The following COL22A1 variants were observed in gnomAD, a reference collection of about 807,000 sequenced individuals.
COL22A1 encodes the protein collagen alpha-1(XXII) chain.
COL22A1 carries 221 observed loss-of-function variants against 248.9 expected under a neutral mutation model. The observed-to-expected ratio is 0.89, with a 90% CI of 0.80 to 0.99. The LOEUF is 0.99. Ranked by LOEUF, COL22A1 falls within the 50% of genes least tolerant of loss-of-function variation. COL22A1 has a pLI of 0.00. For synonymous variants in COL22A1, 891 were observed against 793.4 expected, an observed-to-expected ratio of 1.12 and a Z score of -2.07; for missense variants, 2,240 against 2,179.0, an observed-to-expected ratio of 1.03 and a Z score of -0.56.
rs563790058 is a variant in COL22A1, at chr8:138,832,944, G to A, written c.845+95C>T. On this transcript the variant is annotated intron_variant, in intron 5 of 64. Coordinates refer to ENST00000303045, the MANE Select transcript of COL22A1 (RefSeq NM_152888.3). ...CAAGGCACTGAGAAGGTTAAAGCCCGGCTCGGTGCCAAGTATGAAACAGGC... is the reference window on the plus strand; with the variant it reads ...CAAGGCACTGAGAAGGTTAAAGCCCAGCTCGGTGCCAAGTATGAAACAGGC... 3.3e-3 allele frequency: 2,605 copies of A among 792,326 alleles called. 39 individuals are homozygous for A. The African/African-American group carries it at 0.039, about 12-fold the overall frequency. 49.1% of individuals were successfully genotyped at this position (792,326 alleles called of 1,614,324 possible). A position where few individuals can be genotyped will look rare whatever the true frequency, so the allele number is the denominator to read the frequency against.
intron 23 of COL22A1, 23 bp downstream of exon 23, chr8:138,737,501 A>T: frequency 6.4e-7 from 1 of 1,562,434 alleles, no homozygotes; most frequent in African/African-American, 1.4e-5. Context: ...GTTGCTATGG[A>T]AGAGAATGTA....
At chr8:138,687,938 G>T (rs1365272210) in intron 37 of COL22A1, among the ~76,000 whole-genome samples, 1 of 152,086 alleles carries the variant, frequency 6.6e-6, no homozygotes, top group Non-Finnish European at 1.5e-5. Context: ...TATCTCCCTG[G>T]GTAAAAACCC....
chr8:138,646,697 C>G lies in COL22A1; in HGVS notation c.3448-15G>C. 6.5e-7 allele frequency: 1 copy of G among 1,542,038 alleles called. No individual in the cohort carries two copies. The highest frequency in any genetic ancestry group is 8.8e-7 in the Non-Finnish European group (1 of 1,141,842). On this transcript the variant is annotated splice_polypyrimidine_tract_variant and intron_variant, in intron 46 of 64. Coordinates refer to ENST00000303045, the MANE Select transcript of COL22A1 (RefSeq NM_152888.3). ...CCAGCCTCTCCCTGTATCAGGGATACAAGAAAAAAAAAGAAAACAAGAATG... is the reference window on the plus strand; with the variant it reads ...CCAGCCTCTCCCTGTATCAGGGATAGAAGAAAAAAAAAGAAAACAAGAATG...
chr8:138,634,353 G>T (rs1199133154), intron 49 of COL22A1, among the ~76,000 whole-genome samples: 1 of 152,070 alleles, frequency 6.6e-6, no homozygotes, highest in Non-Finnish European at 1.5e-5. Context: ...GTCTCATGTG[G>T]AACCCATGGG....
intron 56 of COL22A1, among the ~76,000 whole-genome samples, chr8:138,613,274 G>A (rs1819045031): frequency 6.6e-6 from 1 of 151,738 alleles, no homozygotes; most frequent in Non-Finnish European, 1.5e-5. Context: ...AAGGGGTGGG[G>A]GATTTTTGGA....
chr8:138,660,474 G>A lies in COL22A1; in HGVS notation c.3247C>T (p.Pro1083Ser), dbSNP rs1823720085. The change falls in exon 44 of 65, where the codon CCA (proline) becomes TCA (serine). Residue 1083 changes from proline to serine, a missense_variant. By Grantham distance (74) the Pro-to-Ser change is moderately conservative. Transcript: ENST00000303045. Reference protein sequence around the residue: ...PQGPAGRDGAPGNPGERGPPG... With the variant: ...PQGPAGRDGASGNPGERGPPG... The stretch of plus-strand genomic sequence containing the variant: ...GGCCCTCTTTCTCCTGGATTTCCTG[G>A]TGCACCCTAAGAGAAGAAGGAAATA... 42 of 1,613,276 alleles carry A rather than the reference G, an allele frequency of 2.6e-5. No homozygotes were observed. Among genetic ancestry groups the A allele is most frequent in the Non-Finnish European group, 3.5e-5 (41 of 1,179,452 alleles).
At position 138,679,711 on chromosome 8, in the gene COL22A1, A is replaced by G. The variant is rs376197324; in HGVS notation, c.3013-35T>C. 28 of 1,591,630 alleles carry G rather than the reference A, an allele frequency of 1.8e-5. No homozygotes were observed. In the African/African-American group the frequency reaches 3.0e-4, roughly 17 times the overall value. ...GAAAATCTTCACTCATTTCTTCACC[A>G]AACAAATGTTTACCAAGCACCTAAA... On this transcript the variant is annotated intron_variant, in intron 39 of 64. Coordinates refer to ENST00000303045, the MANE Select transcript of COL22A1 (RefSeq NM_152888.3).
intron 41 of COL22A1, among the ~76,000 whole-genome samples, chr8:138,664,158 G>A (rs72727876): frequency 0.033 from 4,871 of 149,204 alleles, 166 homozygotes; most frequent in African/African-American, 0.077. Flanking sequence ...TAGTGTCTGA[G>A]GCTGCAGTAG....
chr8:138,793,149 G>A (rs956931493), intron 12 of COL22A1, among the ~76,000 whole-genome samples: 1 of 152,126 alleles, frequency 6.6e-6, no homozygotes, highest in African/African-American at 2.4e-5. Context: ...TGGACTCATC[G>A]AGCTCTGGTC....
At chr8:138,694,965 A>G in intron 32 of COL22A1, 86 bp from the exon 33 acceptor site, 2 of 1,304,038 alleles carry the variant, frequency 1.5e-6, no homozygotes, top group Non-Finnish European at 1.1e-6. Flanking sequence ...CCGGACACAC[A>G]GGCCACCTCC....
intron 56 of COL22A1, among the ~76,000 whole-genome samples, chr8:138,610,599 A>T (rs1367657306): frequency 2.0e-5 from 3 of 152,236 alleles, no homozygotes; most frequent in Non-Finnish European, 2.9e-5. Context: ...CTTATGATGT[A>T]CCCGAGAATT....
chr8:138,863,912 G>C (rs1173979990), intron 3 of COL22A1, among the ~76,000 whole-genome samples: 1 of 152,182 alleles, frequency 6.6e-6, no homozygotes, highest in Non-Finnish European at 1.5e-5. Context: ...AGTGGAAAAG[G>C]GTTTCCGCTC....
intron 1 of COL22A1, among the ~76,000 whole-genome samples, chr8:138,896,452 C>T (rs139163827): frequency 0.012 from 1,879 of 151,998 alleles, 17 homozygotes; most frequent in Non-Finnish European, 0.017. Flanking sequence ...CATTGCAGTA[C>T]CTAGAAGCAA....
intron 5 of COL22A1, among the ~76,000 whole-genome samples, chr8:138,830,977 T>C (rs1437125779): frequency 6.6e-6 from 1 of 152,162 alleles, no homozygotes; most frequent in Admixed American, 6.5e-5. Flanking sequence ...AACAACCTCA[T>C]TGTCTGGGAA....
chr8:138,802,057 A>C (rs1440334128), intron 11 of COL22A1, among the ~76,000 whole-genome samples: 1 of 152,170 alleles, frequency 6.6e-6, no homozygotes, highest in Non-Finnish European at 1.5e-5. Flanking sequence ...TGCACTCACT[A>C]CTGTTCTAAA....
At position 138,878,214 on chromosome 8, in the gene COL22A1, AC is replaced by A; in HGVS notation, c.193del (p.Val65TrpfsTer164). On this transcript the variant is annotated frameshift_variant, in exon 3 of 65. Transcript: ENST00000303045. LOFTEE classifies it high-confidence loss of function. ...GTCGGGGCCCACCTCGAAGGTGTCC[AC>A]CAGGTTGGCCACCCACTGCCGGACC... ...EKVRQWVANL[V>X]DTFEVGPDRT... 1 of 1,596,812 alleles carries A rather than the reference AC, an allele frequency of 6.3e-7. No individual in the cohort carries two copies. Among genetic ancestry groups the A allele is most frequent in the South Asian group, 1.1e-5 (1 of 87,940 alleles).
In COL22A1 at chr8:138,751,890, G is replaced by A. The variant is rs142238627; in HGVS notation, c.2032-379C>T. Among the ~76,000 whole-genome samples, 246 of 152,302 alleles carry A rather than the reference G, an allele frequency of 1.6e-3. 1 individual carries two copies. The highest frequency in any genetic ancestry group is 5.7e-3 in the African/African-American group (237 of 41,560). On this transcript the variant is annotated intron_variant, in intron 21 of 64. Transcript: ENST00000303045. ...CAGCCTGCTGGCTCAGAAAGAACTG[G>A]CATAGACTATCTGACTCTCAGGCAA... is the stretch of plus-strand genomic sequence containing the variant.
intron 3 of COL22A1, among the ~76,000 whole-genome samples, chr8:138,876,644 TGGGCTGCAAGCCA>T (rs896391872): frequency 9.2e-5 from 14 of 152,332 alleles, no homozygotes; most frequent in Admixed American, 8.5e-4. Context: ...GTTTTCTCAC[TGGGCTGCAAGCCA>T]GGCACATCCC....
intron 3 of COL22A1, among the ~76,000 whole-genome samples, chr8:138,848,261 CT>C (rs992187931): frequency 9.2e-5 from 14 of 152,196 alleles, no homozygotes; most frequent in Admixed American, 3.3e-4. Flanking sequence ...TGTCTACCCC[CT>C]GACAATCATT....
Sources: allele counts gnomAD v4.1 joint callset (sites outside exome capture counted in the v4.1 genomes callset), GRCh38; gene constraint gnomAD v4.1.1; transcripts MANE v1.5; gene names NCBI Gene and HGNC (gene_info 2026-07-23, HGNC 2026-07-21).